CENPH: variants seen among roughly 807,000 people sequenced by gnomAD.
CENPH encodes the protein CENP-H.
In CENPH, 40 loss-of-function variants were observed where a neutral mutation model predicts 42.9. The ratio of observed to expected loss-of-function variants is 0.93; its 90% CI spans 0.72 to 1.21. The LOEUF (loss-of-function observed/expected upper bound fraction) is 1.21, where lower values mean the gene tolerates loss of function less well. Ranked by LOEUF, CENPH falls within the 50% of genes most tolerant of loss-of-function variation. The pLI is 0.00. For missense variants in CENPH, 302 were observed against 292.9 expected (o/e 1.03, Z -0.23); for synonymous variants, 88 against 96.5 (o/e 0.91, Z 0.52).
chr5:69,191,645 AAATTAGAAGTTTGT>A (rs1195008022), intron 1 of CENPH, 136 bp from the exon 2 acceptor site: 4 of 548,876 alleles, frequency 7.3e-6, no homozygotes, highest in Non-Finnish European at 1.3e-5. Context: ...AAATGAGGCC[AAATTAGAAGTTTGT>A]AATTAGGAGT....
chr5:69,191,685 T>C, intron 1 of CENPH, 110 bp from the exon 2 acceptor site: 1 of 671,310 alleles, frequency 1.5e-6, no homozygotes, highest in Non-Finnish European at 2.7e-6. Context: ...TATTTATATT[T>C]ATTTTGTTGT....
intron 5 of CENPH, 39 bp downstream of exon 5, chr5:69,197,148 A>ATCC: frequency 7.8e-7 from 1 of 1,277,432 alleles, no homozygotes. Context: ...TAAGGATGGG[A>ATCC]TCTGCATAGT....
intron 7 of CENPH, among the ~76,000 whole-genome samples, chr5:69,205,372 C>T (rs1304230373): frequency 1.3e-5 from 2 of 152,056 alleles, no homozygotes; most frequent in African/African-American, 2.4e-5. Flanking sequence ...GGATTACAGG[C>T]GTGCCACCAC....
At chr5:69,202,874 C>A in intron 6 of CENPH, 45 bp from the exon 7 acceptor site, 1 of 1,203,548 alleles carries the variant, frequency 8.3e-7, no homozygotes. Context: ...CAGGTTTGTC[C>A]TTACATACAG....
intron 7 of CENPH, among the ~76,000 whole-genome samples, chr5:69,206,711 G>GA (rs1216333655): frequency 1.3e-5 from 2 of 151,948 alleles, no homozygotes; most frequent in African/African-American, 4.8e-5. Context: ...GGCCAGGTTG[G>GA]TCTCCAACTC....
intron 1 of CENPH, among the ~76,000 whole-genome samples, chr5:69,190,954 C>G (rs1747860343): frequency 6.6e-6 from 1 of 151,852 alleles, no homozygotes; most frequent in Admixed American, 6.6e-5. Context: ...GAAAAGATGT[C>G]TATTTCTTTT....
At chr5:69,191,063 A>G (rs1747862285) in intron 1 of CENPH, among the ~76,000 whole-genome samples, 1 of 152,194 alleles carries the variant, frequency 6.6e-6, no homozygotes, top group South Asian at 2.1e-4. Context: ...AGAACAACTG[A>G]AAAACTATAT....
chr5:69,206,067 G>A (rs1212821793), intron 7 of CENPH, among the ~76,000 whole-genome samples: 1 of 151,844 alleles, frequency 6.6e-6, no homozygotes, highest in Non-Finnish European at 1.5e-5. Flanking sequence ...CATTCACCAT[G>A]TTACACAGGC....
At chr5:69,200,150 G>C (rs1748035456) in intron 5 of CENPH, among the ~76,000 whole-genome samples, 2 of 151,298 alleles carry the variant, frequency 1.3e-5, no homozygotes, top group South Asian at 4.2e-4. Context: ...GGTCAAATAG[G>C]CTGAGGCAGT....
At chr5:69,190,526 T>C (rs762976134) in intron 1 of CENPH, among the ~76,000 whole-genome samples, 1 of 152,136 alleles carries the variant, frequency 6.6e-6, no homozygotes, top group Non-Finnish European at 1.5e-5. Flanking sequence ...TACTATCAGG[T>C]CCTTTACAGA....
At chr5:69,195,332 T>C (rs1260039646) in intron 3 of CENPH, among the ~76,000 whole-genome samples, 1 of 152,212 alleles carries the variant, frequency 6.6e-6, no homozygotes, top group Non-Finnish European at 1.5e-5. Context: ...CCTAAAGTTC[T>C]GGGATTGTAG....
chr5:69,197,115 AT>A lies in CENPH; in HGVS notation c.371+16del, dbSNP rs556707084. On this transcript the variant is annotated splice_region_variant and intron_variant, in intron 5 of 8. Transcript: ENST00000283006. Reference sequence around the variant, plus strand: ...AAAATTAGCAGACAGTCTAGGTATGATTTTTTTTTTCTCTGGATTCGGTAAG... The same window carrying A: ...AAAATTAGCAGACAGTCTAGGTATGATTTTTTTTTCTCTGGATTCGGTAAG... 1.0e-3 allele frequency: 1,531 copies of A among 1,468,174 alleles called. No homozygotes were observed. Among genetic ancestry groups the A allele is most frequent in the African/African-American group, 4.1e-3 (282 of 69,208 alleles). The allele number at this position is 1,468,174 out of a possible 1,614,324, so 90.9% of individuals were successfully genotyped here.
intron 1 of CENPH, among the ~76,000 whole-genome samples, chr5:69,190,690 G>A (rs1268573780): frequency 6.6e-6 from 1 of 152,140 alleles, no homozygotes; most frequent in Non-Finnish European, 1.5e-5. Flanking sequence ...GACCAGCCTG[G>A]CCAACCATGG....
chr5:69,199,239 C>T (rs545053867), intron 5 of CENPH, among the ~76,000 whole-genome samples: 149 of 152,230 alleles, frequency 9.8e-4, no homozygotes, highest in African/African-American at 3.4e-3. Flanking sequence ...AGTGCAGTGG[C>T]GTGATCCTAG....
intron 2 of CENPH, 59 bp downstream of exon 2, chr5:69,191,909 C>A: frequency 9.9e-7 from 1 of 1,012,002 alleles, no homozygotes; most frequent in Non-Finnish European, 1.6e-6. Context: ...TTTTTTGAGA[C>A]AGGGTCTTGC....
At chr5:69,189,860 G>C in intron 1 of CENPH, 92 bp downstream of exon 1, 1 of 1,338,452 alleles carries the variant, frequency 7.5e-7, no homozygotes, top group Non-Finnish European at 9.8e-7. Context: ...TCGAATTCAC[G>C]CTCGGTCACG....
At chr5:69,205,341 C>T (rs923438546) in intron 7 of CENPH, among the ~76,000 whole-genome samples, 5 of 151,998 alleles carry the variant, frequency 3.3e-5, no homozygotes, top group African/African-American at 7.3e-5. Flanking sequence ...CATTCTTCTG[C>T]GTCAGCCTCT....
At chr5:69,197,715 A>G (rs1747986669) in intron 5 of CENPH, among the ~76,000 whole-genome samples, 1 of 152,046 alleles carries the variant, frequency 6.6e-6, no homozygotes, top group Non-Finnish European at 1.5e-5. Context: ...TGACGAGTTA[A>G]TGGGTGCAGC....
Position 69,209,704 on chromosome 5 carries a change from C to T in CENPH, c.652-3C>T, listed in dbSNP as rs1438400333. 7.8e-6 allele frequency: 12 copies of T among 1,536,794 alleles called. No individual in the cohort carries two copies. The highest frequency in any genetic ancestry group is 1.1e-5 in the Non-Finnish European group (12 of 1,123,968). ...ACTTTAAAACAATTTTTTTTCTTTA[C>T]AGAACCTTATTTTGGGGAGTAAAGT... On this transcript the variant is annotated splice_polypyrimidine_tract_variant and splice_region_variant and intron_variant, in intron 8 of 8. Transcript: ENST00000283006.
Sources: allele counts gnomAD v4.1 joint callset (sites outside exome capture counted in the v4.1 genomes callset), GRCh38; gene constraint gnomAD v4.1.1; transcripts MANE v1.5; gene names NCBI Gene and HGNC (gene_info 2026-07-23, HGNC 2026-07-21).